THSD7A: variants seen among roughly 807,000 people sequenced by gnomAD.
The protein encoded by THSD7A is thrombospondin type-1 domain-containing protein 7A.
In THSD7A, 96 loss-of-function variants were observed where a neutral mutation model predicts 231.3. That is an observed-to-expected ratio of 0.41 (90% CI 0.35 to 0.49). The LOEUF (loss-of-function observed/expected upper bound fraction) is 0.49. Among genes scored for constraint, THSD7A ranks in the 20% least tolerant of loss-of-function variants. The pLI is 0.05. For synonymous variants in THSD7A, 940 were observed against 743.3 expected (o/e 1.26, Z -4.30); for missense variants, 2,290 against 2,070.2 (o/e 1.11, Z -2.06).
intron 2 of THSD7A, among the ~76,000 whole-genome samples, chr7:11,607,268 A>C (rs1171698203): frequency 6.6e-6 from 1 of 152,094 alleles, no homozygotes; most frequent in Non-Finnish European, 1.5e-5. Context: ...AGGATTTCTC[A>C]GTGTTTCTGA....
rs555095181 is a variant in THSD7A, at chr7:11,815,882, T to G, written c.190+15875A>C. On this transcript the variant is annotated intron_variant, in intron 1 of 27. Transcript: ENST00000423059. Reference sequence around the variant, plus strand: ...ACCCACCCTTCTTCCCACCCCAAATTATTTCCTACTTTTTGTTACTCCAAA... The same window carrying G: ...ACCCACCCTTCTTCCCACCCCAAATGATTTCCTACTTTTTGTTACTCCAAA... Among the ~76,000 whole-genome samples, 5 of 152,170 alleles carry G rather than the reference T, an allele frequency of 3.3e-5. No individual in the cohort carries two copies. The East Asian group carries it at 9.7e-4, about 29-fold the overall frequency.
At chr7:11,608,419 A>G (rs936028166) in intron 2 of THSD7A, among the ~76,000 whole-genome samples, 5 of 152,142 alleles carry the variant, frequency 3.3e-5, no homozygotes, top group Non-Finnish European at 7.3e-5. Flanking sequence ...AGAGGGAGAG[A>G]GAAACTAACA....
intron 6 of THSD7A, among the ~76,000 whole-genome samples, chr7:11,484,335 T>C (rs187546479): frequency 2.7e-3 from 410 of 152,184 alleles, no homozygotes; most frequent in Non-Finnish European, 4.5e-3. Flanking sequence ...ACGAAGCCCA[T>C]TGTTGTCTCA....
chr7:11,445,938 G>A, intron 13 of THSD7A, 123 bp downstream of exon 13: 2 of 1,180,024 alleles, frequency 1.7e-6, no homozygotes, highest in Non-Finnish European at 2.5e-6. Flanking sequence ...ATAGTGTGGT[G>A]CTTCAGAGTT....
intron 1 of THSD7A, among the ~76,000 whole-genome samples, chr7:11,755,133 G>C (rs375141189): frequency 3.3e-5 from 5 of 151,950 alleles, no homozygotes; most frequent in African/African-American, 9.7e-5. Flanking sequence ...TGGTCTCTAG[G>C]GGGCGGAGGA....
chr7:11,715,806 T>G (rs1781116488), intron 1 of THSD7A, among the ~76,000 whole-genome samples: 2 of 151,484 alleles, frequency 1.3e-5, no homozygotes, highest in East Asian at 3.9e-4. Context: ...CCCTGAACTT[T>G]CCAGAGGGAT....
At chr7:11,489,162 A>G (rs1022465893) in intron 6 of THSD7A, among the ~76,000 whole-genome samples, 4 of 152,064 alleles carry the variant, frequency 2.6e-5, no homozygotes, top group Non-Finnish European at 5.9e-5. Context: ...GTTATTTTAG[A>G]GTTTCACAGT....
At position 11,475,307 on chromosome 7, in the gene THSD7A, G is replaced by T. The variant is rs184573312; in HGVS notation, c.2018-739C>A. On this transcript the variant is annotated intron_variant, in intron 7 of 27. Coordinates refer to ENST00000423059, the MANE Select transcript of THSD7A (RefSeq NM_015204.3). Reference sequence around the variant, plus strand: ...GCTGGGTGAAAAGTGCATTGGCAAGGATATGCTTTGGGGGTACCGAATTGG... The same window carrying T: ...GCTGGGTGAAAAGTGCATTGGCAAGTATATGCTTTGGGGGTACCGAATTGG... Among the ~76,000 whole-genome samples the T allele has an allele frequency of 2.2e-4, 34 of 152,218 alleles. No individual in the cohort carries two copies. In the Middle Eastern group the frequency reaches 0.014, roughly 61 times the overall value.
intron 1 of THSD7A, among the ~76,000 whole-genome samples, chr7:11,703,350 T>G (rs1009333543): frequency 2.0e-5 from 3 of 151,270 alleles, no homozygotes; most frequent in African/African-American, 7.3e-5. Flanking sequence ...TATTTATTAT[T>G]TCTTCTTTGC....
chr7:11,575,931 C>T (rs544673275), intron 4 of THSD7A, among the ~76,000 whole-genome samples: 1 of 152,102 alleles, frequency 6.6e-6, no homozygotes, highest in East Asian at 1.9e-4. Flanking sequence ...TTATGAAGGC[C>T]CACTGGTGAA....
chr7:11,745,623 A>G (rs1282349915), intron 1 of THSD7A, among the ~76,000 whole-genome samples: 1 of 152,142 alleles, frequency 6.6e-6, no homozygotes, highest in Non-Finnish European at 1.5e-5. Flanking sequence ...ATTTTTGTAC[A>G]AGGTGTAAGG....
intron 23 of THSD7A, among the ~76,000 whole-genome samples, chr7:11,396,844 GC>G (rs1475124632): frequency 6.6e-6 from 1 of 152,124 alleles, no homozygotes; most frequent in Non-Finnish European, 1.5e-5. Flanking sequence ...CAAATTTCAG[GC>G]CAATATCCCT....
Position 11,469,982 on chromosome 7 carries a change from G to C in THSD7A, c.2265C>G (p.Ser755Arg), listed in dbSNP as rs202131463. The change falls in exon 9 of 28, where the codon AGC becomes AGG. Residue 755 changes from serine (S) to arginine (R), a missense_variant. Ser to Arg is a moderately radical substitution (Grantham distance 110). Coordinates refer to ENST00000423059, the MANE Select transcript of THSD7A (RefSeq NM_015204.3). The stretch of plus-strand genomic sequence containing the variant: ...AAGGCCTTACAGTTTCAGGTCGAAG[G>C]CTTTCAGGACATCTAGAAAGGCAAA... ...GQVGPKKCPE[S>R]LRPETVRPCL... 1.3e-6 allele frequency: 2 copies of C among 1,587,114 alleles called. No individual in the cohort carries two copies. Among genetic ancestry groups the C allele is most frequent in the Non-Finnish European group, 1.7e-6 (2 of 1,164,466 alleles).
At chr7:11,537,634 G>T (rs902180216) in intron 6 of THSD7A, among the ~76,000 whole-genome samples, 1 of 130,576 alleles carries the variant, frequency 7.7e-6, no homozygotes, top group Admixed American at 7.7e-5. Flanking sequence ...CCTGTACAGC[G>T]CCATGCTTCC....
intron 6 of THSD7A, among the ~76,000 whole-genome samples, chr7:11,518,256 A>G (rs1315984047): frequency 6.6e-6 from 1 of 152,172 alleles, no homozygotes; most frequent in Non-Finnish European, 1.5e-5. Flanking sequence ...AGCACCAGAG[A>G]TGCTACAATA....
At chr7:11,614,684 G>A (rs1361401546) in intron 2 of THSD7A, among the ~76,000 whole-genome samples, 1 of 152,190 alleles carries the variant, frequency 6.6e-6, no homozygotes, top group Non-Finnish European at 1.5e-5. Context: ...AATTGGGACT[G>A]TGCTAGCTTG....
chr7:11,416,870 T>C (rs1783979725), intron 17 of THSD7A, among the ~76,000 whole-genome samples: 2 of 152,190 alleles, frequency 1.3e-5, no homozygotes, highest in African/African-American at 2.4e-5. Flanking sequence ...TTTGAAACTC[T>C]CAGCTGGCTT....
At chr7:11,719,289 C>T (rs1006222158) in intron 1 of THSD7A, among the ~76,000 whole-genome samples, 27 of 151,598 alleles carry the variant, frequency 1.8e-4, no homozygotes, top group South Asian at 8.3e-4. Context: ...TTGGAGTTCT[C>T]TCAGGTGACT....
At chr7:11,794,576 G>A (rs932857612) in intron 1 of THSD7A, among the ~76,000 whole-genome samples, 8 of 151,882 alleles carry the variant, frequency 5.3e-5, no homozygotes, top group African/African-American at 9.7e-5. Context: ...AATCCACAGC[G>A]TGAAGCAGAA....
Sources: allele counts gnomAD v4.1 joint callset (sites outside exome capture counted in the v4.1 genomes callset), GRCh38; gene constraint gnomAD v4.1.1; transcripts MANE v1.5; gene names NCBI Gene and HGNC (gene_info 2026-07-23, HGNC 2026-07-21).